Variants in STAMBPL1 observed in about 807,000 individuals in gnomAD.
STAMBPL1 encodes AMSH-like protease.
In STAMBPL1, 44 loss-of-function variants were observed where a neutral mutation model predicts 52.9. The observed-to-expected ratio is 0.83, with a 90% CI of 0.65 to 1.07. STAMBPL1 has a LOEUF of 1.07. Ranked by LOEUF, STAMBPL1 falls within the 50% of genes least tolerant of loss-of-function variation. The pLI, the probability that STAMBPL1 is intolerant of heterozygous loss-of-function variation, is 0.00. For missense variants in STAMBPL1, 511 were observed against 520.8 expected (o/e 0.98, Z 0.18); for synonymous variants, 164 against 177.3 (o/e 0.92, Z 0.60).
At chr10:88,922,931 G>T (rs1845551386) in intron 10 of STAMBPL1, among the ~76,000 whole-genome samples, 1 of 151,874 alleles carries the variant, frequency 6.6e-6, no homozygotes, top group Non-Finnish European at 1.5e-5. Context: ...TAACATCAGA[G>T]AACATTATAT....
rs546883537 is a variant in STAMBPL1, at chr10:88,909,030, T to C, written c.324+253T>C. Among the ~76,000 whole-genome samples the C allele has an allele frequency of 3.9e-5, 6 of 152,368 alleles. No homozygotes were observed. The South Asian group carries it at 1.0e-3, about 26-fold the overall frequency. ...TAATAGTGTGAGGAAGGAATTATTT[T>C]ACAATAATCTCTCCCAGAGGTTAAG... On this transcript the variant is annotated intron_variant, in intron 4 of 10. Transcript: ENST00000371926.
intron 2 of STAMBPL1, among the ~76,000 whole-genome samples, chr10:88,902,199 T>C (rs1844959046): frequency 6.6e-6 from 1 of 152,208 alleles, no homozygotes; most frequent in Non-Finnish European, 1.5e-5. Context: ...ACTTTTCCCC[T>C]CACTGCCCAG....
In STAMBPL1 at chr10:88,914,519, T is replaced by G; in HGVS notation, c.779-15T>G. ...AGTTTGTTTTTTAGCCTTTTCTCCCTTTTTTGTTTCTTAGATTTAGTGGTT... is the reference window on the plus strand; with the variant it reads ...AGTTTGTTTTTTAGCCTTTTCTCCCGTTTTTGTTTCTTAGATTTAGTGGTT... On this transcript the variant is annotated splice_polypyrimidine_tract_variant and intron_variant, in intron 6 of 10. Coordinates refer to ENST00000371926, the MANE Select transcript of STAMBPL1 (RefSeq NM_020799.4). 6.8e-7 allele frequency: 1 copy of G among 1,475,822 alleles called. No individual in the cohort carries two copies. The highest frequency in any genetic ancestry group is 1.5e-5 in the South Asian group (1 of 68,324). 91.4% of individuals were successfully genotyped at this position (1,475,822 alleles called of 1,614,324 possible). A position where few individuals can be genotyped will look rare whatever the true frequency, so the allele number is the denominator to read the frequency against.
At chr10:88,891,247 G>A (rs1274523688) in intron 1 of STAMBPL1, among the ~76,000 whole-genome samples, 1 of 152,156 alleles carries the variant, frequency 6.6e-6, no homozygotes, top group Non-Finnish European at 1.5e-5. Context: ...TGATGAGTAA[G>A]TTTGAAGACC....
At position 88,880,536 on chromosome 10, in the gene STAMBPL1, C is replaced by A. The variant is rs1234369800; in HGVS notation, c.-156C>A. 6.6e-6 allele frequency: 1 copy of A among 152,270 alleles called. No homozygotes were observed. Among genetic ancestry groups the A allele is most frequent in the East Asian group, 1.9e-4 (1 of 5,196 alleles). The allele number at this position is 152,270 out of a possible 1,614,324, so 9.4% of individuals were successfully genotyped here. The stretch of plus-strand genomic sequence containing the variant: ...CGCCTTCCAGCAAAAGCCACCGCGG[C>A]CCGGGTTGCAGCAGCCGGACGGATG... On this transcript the variant is annotated 5_prime_UTR_variant, in exon 1 of 11. Coordinates refer to ENST00000371926, the MANE Select transcript of STAMBPL1 (RefSeq NM_020799.4).
intron 8 of STAMBPL1, among the ~76,000 whole-genome samples, chr10:88,921,009 T>C (rs1394792591): frequency 6.6e-6 from 1 of 152,160 alleles, no homozygotes; most frequent in Admixed American, 6.6e-5. Context: ...AGAATCTATT[T>C]AAAGCCCCTA....
Position 88,905,578 on chromosome 10 carries a change from G to A in STAMBPL1, c.166G>A (p.Val56Ile), listed in dbSNP as rs145411494. The A allele has an allele frequency of 2.5e-6, 4 of 1,614,058 alleles. No homozygotes were observed. In the African/African-American group the frequency reaches 5.3e-5, roughly 22 times the overall value. The change falls in exon 3 of 11, where the codon GTA becomes ATA. Residue 56 changes from valine to isoleucine, a missense_variant. Physicochemically the swap from Val to Ile is conservative, Grantham distance 29. Coordinates refer to ENST00000371926, the MANE Select transcript of STAMBPL1 (RefSeq NM_020799.4). ...TCCACGACGTTACTTTAGGTCTGGA[G>A]TAGAGATGGAGAGGATGGCGTCTGT... is the stretch of plus-strand genomic sequence containing the variant. ...ITPRRYFRSGVEMERMASVYL... is the reference protein window; with the variant it reads ...ITPRRYFRSGIEMERMASVYL...
chr10:88,910,933 A>G lies in STAMBPL1; in HGVS notation c.342A>G (p.Ala114=), dbSNP rs1458855563. The G allele has an allele frequency of 6.3e-7, 1 of 1,588,590 alleles. No individual in the cohort carries two copies. The highest frequency in any genetic ancestry group is 1.4e-5 in the African/African-American group (1 of 73,576). ...QDIMKKLKEI[A]FPRTDELKND... ...TTTAAAAGAAACTGAAGGAGATTGC[A>G]TTCCCAAGGACAGATGAATTGAAAA... Residue 114 remains alanine (A), a synonymous_variant, in exon 5 of 11, where the codon GCA becomes GCG. Coordinates refer to ENST00000371926, the MANE Select transcript of STAMBPL1 (RefSeq NM_020799.4).
At chr10:88,895,009 A>T (rs564488423) in intron 1 of STAMBPL1, among the ~76,000 whole-genome samples, 3 of 152,296 alleles carry the variant, frequency 2.0e-5, no homozygotes, top group Admixed American at 1.3e-4. Flanking sequence ...GGCATTTTAA[A>T]TCTTATATAA....
Position 88,922,363 on chromosome 10 carries a change from C to G in STAMBPL1, c.1181C>G (p.Ala394Gly). 1 of 1,613,276 alleles carries G rather than the reference C, an allele frequency of 6.2e-7. No individual in the cohort carries two copies. ...ACTGGCATCTTCAGGCTCACCAATG[C>G]TGGCATGCTTGAGGTTTCTGCTTGT... ...KDTGIFRLTN[A>G]GMLEVSACKK... Residue 394 changes from alanine to glycine, a missense_variant, in exon 10 of 11, where the codon GCT becomes GGT. Transcript: ENST00000371926.
intron 1 of STAMBPL1, chr10:88,901,217 G>A (rs1404063476): frequency 6.6e-6 from 1 of 152,288 alleles, no homozygotes; most frequent in Admixed American, 6.5e-5. Flanking sequence ...GATATCAAGG[G>A]GCAGGAATCA....
chr10:88,915,629 C>G (rs573060662), intron 7 of STAMBPL1, among the ~76,000 whole-genome samples: 1 of 152,300 alleles, frequency 6.6e-6, no homozygotes, highest in African/African-American at 2.4e-5. Context: ...AGGCACTGTG[C>G]TGGTTATTAG....
chr10:88,890,465 G>A (rs1310201043), intron 1 of STAMBPL1, among the ~76,000 whole-genome samples: 4 of 152,148 alleles, frequency 2.6e-5, no homozygotes, highest in Non-Finnish European at 5.9e-5. Context: ...GAGCCTCCCC[G>A]CAAAGACGGT....
At chr10:88,901,568 G>T (rs758832286) in intron 1 of STAMBPL1, 88 bp from the exon 2 acceptor site, 4 of 677,364 alleles carry the variant, frequency 5.9e-6, no homozygotes, top group African/African-American at 1.9e-5. Flanking sequence ...GTTCCTGTTT[G>T]TCTGAGGCAG....
At chr10:88,906,085 AGGG>A (rs1845066875) in intron 3 of STAMBPL1, among the ~76,000 whole-genome samples, 1 of 152,224 alleles carries the variant, frequency 6.6e-6, no homozygotes, top group Non-Finnish European at 1.5e-5. Context: ...GGTTGAGTCT[AGGG>A]GACAAGTTGG....
At chr10:88,886,126 T>G (rs557303967) in intron 1 of STAMBPL1, among the ~76,000 whole-genome samples, 1 of 152,332 alleles carries the variant, frequency 6.6e-6, no homozygotes, top group African/African-American at 2.4e-5. Context: ...TTGGAACACT[T>G]CTTAATAAAG....
intron 7 of STAMBPL1, among the ~76,000 whole-genome samples, chr10:88,916,037 A>G (rs1845361268): frequency 6.6e-6 from 1 of 152,094 alleles, no homozygotes; most frequent in African/African-American, 2.4e-5. Context: ...GTGGCACTTC[A>G]CAACCCTCTT....
At chr10:88,922,266 G>C in intron 9 of STAMBPL1, 71 bp from the exon 10 acceptor site, 1 of 1,397,360 alleles carries the variant, frequency 7.2e-7, no homozygotes, top group Admixed American at 1.7e-5. Flanking sequence ...TGTGTGTGCT[G>C]TTCAAATAAA....
At chr10:88,913,013 T>G (rs1206661850) in intron 5 of STAMBPL1, 88 bp from the exon 6 acceptor site, 4 of 1,133,776 alleles carry the variant, frequency 3.5e-6, no homozygotes, top group Non-Finnish European at 5.0e-6. Flanking sequence ...GCATTTTCTC[T>G]GTCTGCTTGA....
Sources: allele counts gnomAD v4.1 joint callset (sites outside exome capture counted in the v4.1 genomes callset), GRCh38; gene constraint gnomAD v4.1.1; transcripts MANE v1.5; gene names NCBI Gene and HGNC (gene_info 2026-07-23, HGNC 2026-07-21).